Variants in EPHA6 observed in about 807,000 individuals in gnomAD.
EPHA6 encodes ephrin type-A receptor 6.
A neutral mutation model predicts 112.0 loss-of-function variants in EPHA6; 50 were observed. The observed-to-expected ratio is 0.45, with a 90% confidence interval of 0.36 to 0.56. EPHA6 has a LOEUF of 0.56. Among genes scored for constraint, EPHA6 ranks in the 20% least tolerant of loss-of-function variants. The pLI, the probability that EPHA6 is intolerant of heterozygous loss-of-function variation, is 0.00. For synonymous variants in EPHA6, 529 were observed against 490.7 expected (o/e 1.08, Z -1.03); for missense variants, 1,280 against 1,417.4 (o/e 0.90, Z 1.56).
At chr3:97,424,463 T>C (rs576121994) in intron 6 of EPHA6, among the ~76,000 whole-genome samples, 1 of 152,252 alleles carries the variant, frequency 6.6e-6, no homozygotes, top group African/African-American at 2.4e-5. Flanking sequence ...TCCAAAGTCT[T>C]AGCTGAGACA....
intron 3 of EPHA6, among the ~76,000 whole-genome samples, chr3:97,106,497 G>T (rs1337769443): frequency 6.6e-6 from 1 of 152,200 alleles, no homozygotes; most frequent in South Asian, 2.1e-4. Context: ...GACTCCAGGG[G>T]AAAACAACTT....
At chr3:97,297,518 A>G (rs2080916741) in intron 5 of EPHA6, among the ~76,000 whole-genome samples, 1 of 152,010 alleles carries the variant, frequency 6.6e-6, no homozygotes, top group African/African-American at 2.4e-5. Context: ...ATTGTGTAAA[A>G]CTCATGGAGT....
At chr3:97,659,731 A>G (rs2094158101) in intron 14 of EPHA6, among the ~76,000 whole-genome samples, 1 of 152,048 alleles carries the variant, frequency 6.6e-6, no homozygotes, top group Non-Finnish European at 1.5e-5. Flanking sequence ...AATTGCAGGC[A>G]CTACTTTGAA....
chr3:97,561,339 A>C (rs2093188593), intron 11 of EPHA6, among the ~76,000 whole-genome samples: 1 of 152,080 alleles, frequency 6.6e-6, no homozygotes, highest in African/African-American at 2.4e-5. Context: ...ATGCAAAGGG[A>C]GTATTTTGAA....
At chr3:97,729,407 A>C (rs1024705764) in intron 15 of EPHA6, among the ~76,000 whole-genome samples, 2 of 152,108 alleles carry the variant, frequency 1.3e-5, no homozygotes, top group African/African-American at 4.8e-5. Flanking sequence ...GGTAGAAGAC[A>C]AAAAGGAGTG....
intron 11 of EPHA6, among the ~76,000 whole-genome samples, chr3:97,576,364 T>G (rs1473006652): frequency 2.6e-5 from 4 of 152,158 alleles, no homozygotes; most frequent in Admixed American, 1.3e-4. Context: ...AGAAAGGGTT[T>G]ATCAATGTCA....
intron 3 of EPHA6, among the ~76,000 whole-genome samples, chr3:97,078,048 A>G (rs1329580475): frequency 6.6e-6 from 1 of 152,112 alleles, no homozygotes; most frequent in African/African-American, 2.4e-5. Flanking sequence ...CATCCTCTCC[A>G]GTACCTGTTG....
intron 10 of EPHA6, among the ~76,000 whole-genome samples, chr3:97,494,405 A>G (rs2107533156): frequency 6.6e-6 from 1 of 152,304 alleles, no homozygotes; most frequent in Non-Finnish European, 1.5e-5. Context: ...GAGTCATTTT[A>G]TATTTGTTCT....
At chr3:97,045,854 C>T (rs1207398610) in intron 3 of EPHA6, among the ~76,000 whole-genome samples, 4 of 151,898 alleles carry the variant, frequency 2.6e-5, no homozygotes, top group East Asian at 3.9e-4. Context: ...GAGATTTTGT[C>T]GCCATTCTTT....
At chr3:97,235,274 C>A (rs1022162643) in intron 4 of EPHA6, among the ~76,000 whole-genome samples, 7 of 152,024 alleles carry the variant, frequency 4.6e-5, no homozygotes, top group African/African-American at 1.2e-4. Flanking sequence ...ACACTAAGAA[C>A]CTGATGAATG....
At chr3:97,215,516 C>A (rs889957844) in intron 3 of EPHA6, among the ~76,000 whole-genome samples, 2 of 151,522 alleles carry the variant, frequency 1.3e-5, no homozygotes, top group Non-Finnish European at 2.9e-5. Context: ...GAGGCTGAGG[C>A]AGGAGAATTG....
At position 96,940,605 on chromosome 3, in the gene EPHA6, G is replaced by T. The variant is rs1178056715; in HGVS notation, c.451-46725G>T. 2.0e-5 allele frequency among the ~76,000 whole-genome samples: 3 copies of T among 152,108 alleles called. No homozygotes were observed. The East Asian group carries it at 5.8e-4, about 29-fold the overall frequency. ...AGCATTTAGTCCATTTACATTTAAGGTTAATATTGTTATGTGTGAATTTGA... is the reference window on the plus strand; with the variant it reads ...AGCATTTAGTCCATTTACATTTAAGTTTAATATTGTTATGTGTGAATTTGA... On this transcript the variant is annotated intron_variant, in intron 2 of 17. Transcript: ENST00000389672.
intron 3 of EPHA6, among the ~76,000 whole-genome samples, chr3:97,181,744 C>T (rs182754468): frequency 9.9e-5 from 15 of 152,024 alleles, no homozygotes; most frequent in Non-Finnish European, 2.1e-4. Flanking sequence ...CAGCAGTAGC[C>T]ACACAATGGT....
chr3:97,124,420 G>C (rs895502888), intron 3 of EPHA6, among the ~76,000 whole-genome samples: 5 of 151,150 alleles, frequency 3.3e-5, no homozygotes, highest in Non-Finnish European at 5.9e-5. Flanking sequence ...GCCATCACAG[G>C]CATACAGAAA....
intron 5 of EPHA6, among the ~76,000 whole-genome samples, chr3:97,314,246 A>T (rs1342213710): frequency 6.6e-6 from 1 of 151,498 alleles, no homozygotes; most frequent in Non-Finnish European, 1.5e-5. Context: ...TATCATTTTT[A>T]TGCCAGTACC....
chr3:97,592,258 C>T (rs2093552052), intron 11 of EPHA6, among the ~76,000 whole-genome samples: 1 of 152,170 alleles, frequency 6.6e-6, no homozygotes, highest in Non-Finnish European at 1.5e-5. Context: ...TTCTGCATGC[C>T]TGTAACTCAT....
chr3:97,638,682 A>G (rs2107560518), intron 14 of EPHA6, among the ~76,000 whole-genome samples: 1 of 152,314 alleles, frequency 6.6e-6, no homozygotes, highest in Non-Finnish European at 1.5e-5. Context: ...TGGATAGTGT[A>G]AATATTTCTG....
At chr3:97,420,470 A>G (rs1051037737) in intron 6 of EPHA6, among the ~76,000 whole-genome samples, 12 of 152,090 alleles carry the variant, frequency 7.9e-5, no homozygotes, top group African/African-American at 2.9e-4. Flanking sequence ...AACTTCATAC[A>G]TATATTATTT....
At chr3:97,254,590 C>A (rs1475766659) in intron 5 of EPHA6, among the ~76,000 whole-genome samples, 5 of 152,170 alleles carry the variant, frequency 3.3e-5, no homozygotes, top group Non-Finnish European at 5.9e-5. Context: ...CCTACCAGCT[C>A]ATATTAGTTT....
Sources: gnomAD v4.1 joint callset for allele counts (sites outside exome capture counted in the v4.1 genomes callset) on GRCh38, gnomAD v4.1.1 for gene constraint, MANE v1.5 for transcripts, NCBI Gene and HGNC (gene_info 2026-07-23, HGNC 2026-07-21) for gene names.